RYK: variants seen among roughly 807,000 people sequenced by gnomAD.
RYK encodes receptor like tyrosine kinase.
RYK carries 21 observed loss-of-function variants against 70.2 expected under a neutral mutation model. The observed-to-expected ratio is 0.30, with a 90% CI of 0.21 to 0.43. The LOEUF (loss-of-function observed/expected upper bound fraction) is 0.43, where lower values mean the gene tolerates loss of function less well. Ranked by LOEUF, RYK falls within the 20% of genes least tolerant of loss-of-function variation. RYK has a pLI of 1.00. For missense variants in RYK, 604 were observed against 753.3 expected, an observed-to-expected ratio of 0.80 and a Z score of 2.32; for synonymous variants, 267 against 278.0, an observed-to-expected ratio of 0.96 and a Z score of 0.39.
At position 134,238,225 on chromosome 3, in the gene RYK, C is replaced by G. The variant is rs188271540; in HGVS notation, c.232+12198G>C. Among the ~76,000 whole-genome samples, 25 of 152,282 alleles carry G rather than the reference C, an allele frequency of 1.6e-4. No homozygotes were observed. In the East Asian group the frequency reaches 4.6e-3, roughly 28 times the overall value. On this transcript the variant is annotated intron_variant, in intron 1 of 14. Transcript: ENST00000623711. ...CCCATAGTTGAATAAGCATGTAAAT[C>G]TTCAATCCCATAGCTGTTCAAGCAA...
intron 13 of RYK, among the ~76,000 whole-genome samples, chr3:134,164,604 T>A (rs1445315624): frequency 6.6e-6 from 1 of 152,266 alleles, no homozygotes; most frequent in East Asian, 1.9e-4. Flanking sequence ...TCCTTTTTAT[T>A]TAGTAGTATA....
At chr3:134,228,181 CT>C (rs2014960008) in intron 1 of RYK, among the ~76,000 whole-genome samples, 1 of 152,046 alleles carries the variant, frequency 6.6e-6, no homozygotes, top group Non-Finnish European at 1.5e-5. Flanking sequence ...GTCCTCACTA[CT>C]TGGGTGGCTG....
intron 6 of RYK, 35 bp from the exon 7 acceptor site, chr3:134,195,217 T>A (rs771153229): frequency 1.3e-6 from 2 of 1,490,136 alleles, no homozygotes; most frequent in East Asian, 4.5e-5. Context: ...ATTTGACAAG[T>A]CAGTTTCAAT....
intron 1 of RYK, among the ~76,000 whole-genome samples, chr3:134,229,446 G>C (rs1288159357): frequency 6.7e-6 from 1 of 149,442 alleles, no homozygotes; most frequent in Non-Finnish European, 1.5e-5. Flanking sequence ...AGATTTCCTG[G>C]ACAGGTGACA....
chr3:134,173,132 TTAGC>T (rs1476998639), intron 13 of RYK, among the ~76,000 whole-genome samples: 1 of 152,148 alleles, frequency 6.6e-6, no homozygotes, highest in Non-Finnish European at 1.5e-5. Flanking sequence ...TTTAACAAAA[TTAGC>T]TAGGCATGGT....
intron 13 of RYK, among the ~76,000 whole-genome samples, chr3:134,174,826 C>T (rs2013040792): frequency 6.6e-6 from 1 of 151,766 alleles, no homozygotes; most frequent in Non-Finnish European, 1.5e-5. Flanking sequence ...AGAAACTTGA[C>T]AAAAGGAAGA....
intron 13 of RYK, among the ~76,000 whole-genome samples, chr3:134,167,616 C>A (rs563398015): frequency 9.9e-4 from 150 of 152,172 alleles, no homozygotes; most frequent in Non-Finnish European, 3.8e-4. Context: ...CTTATACAAA[C>A]ATTAATTCAA....
chr3:134,160,250 T>C (rs1475191381), intron 13 of RYK, among the ~76,000 whole-genome samples: 1 of 152,122 alleles, frequency 6.6e-6, no homozygotes. Context: ...GTGAGAATCA[T>C]TGGTAGCTCA....
intron 1 of RYK, among the ~76,000 whole-genome samples, chr3:134,240,310 AT>A (rs1193432588): frequency 1.3e-5 from 2 of 152,172 alleles, no homozygotes; most frequent in African/African-American, 2.4e-5. Context: ...ATGAAACAGA[AT>A]TGGCTATGAG....
At chr3:134,200,499 C>T (rs768822454) in intron 6 of RYK, among the ~76,000 whole-genome samples, 5 of 152,308 alleles carry the variant, frequency 3.3e-5, no homozygotes, top group Admixed American at 2.0e-4. Flanking sequence ...CGAGAGTCCG[C>T]GGCTTCATTC....
rs771204519 is a variant in RYK, at chr3:134,250,380, G to GCCGGCCCGA, written c.232+34_232+42dup. 89 of 1,284,180 alleles carry GCCGGCCCGA rather than the reference G, an allele frequency of 6.9e-5. No homozygotes were observed. In the East Asian group the frequency reaches 2.6e-3, roughly 37 times the overall value. The allele number at this position is 1,284,180 out of a possible 1,614,324, so 79.5% of individuals were successfully genotyped here. ...CCGCCGGCGGCCGGAAGCTGCCCCA[G>GCCGGCCCGA]CCGGCCCGACCTGCCCGCCCCGGCC... is the stretch of plus-strand genomic sequence containing the variant. On this transcript the variant is annotated intron_variant, in intron 1 of 14. Coordinates refer to ENST00000623711, the MANE Select transcript of RYK (RefSeq NM_002958.4).
Position 134,250,587 on chromosome 3 carries a change from G to A in RYK, c.68C>T (p.Ala23Val), listed in dbSNP as rs1461124995. ...SCLPGARGLR[A>V]PPPPPLLLLL... ...AAGCAGCAGCGGCGGCGGCGGCGGGGCCCTCAGGCCGCGGGCCCCCGGGAG... is the reference window on the plus strand; with the variant it reads ...AAGCAGCAGCGGCGGCGGCGGCGGGACCCTCAGGCCGCGGGCCCCCGGGAG... The change falls in exon 1 of 15, where the codon GCC (alanine) becomes GTC (valine). Residue 23 changes from alanine (A) to valine (V), a missense_variant. By Grantham distance (64) the Ala-to-Val change is moderately conservative. Coordinates refer to ENST00000623711, the MANE Select transcript of RYK (RefSeq NM_002958.4). 9.4e-7 allele frequency: 1 copy of A among 1,064,892 alleles called. No individual in the cohort carries two copies. Among genetic ancestry groups the A allele is most frequent in the Non-Finnish European group, 1.2e-6 (1 of 867,008 alleles). 66.0% of individuals were successfully genotyped at this position (1,064,892 alleles called of 1,614,324 possible). A position where few individuals can be genotyped will look rare whatever the true frequency, so the allele number is the denominator to read the frequency against.
At chr3:134,202,987 T>G in intron 5 of RYK, 113 bp from the exon 6 acceptor site, 1 of 812,506 alleles carries the variant, frequency 1.2e-6, no homozygotes, top group East Asian at 2.8e-5. Flanking sequence ...CTTTGTAAGA[T>G]CAGTTACCAG....
Position 134,203,339 on chromosome 3 carries a change from A to G in RYK, c.644-465T>C, listed in dbSNP as rs4546127. Reference sequence around the variant, plus strand: ...CTCCAGCGTGGGCGACAGACCATCTATGGACTATTCTTACCAAAAGAGTTG... The same window carrying G: ...CTCCAGCGTGGGCGACAGACCATCTGTGGACTATTCTTACCAAAAGAGTTG... On this transcript the variant is annotated intron_variant, in intron 5 of 14. Transcript: ENST00000623711. 4.9e-3 allele frequency among the ~76,000 whole-genome samples: 747 copies of G among 152,256 alleles called. 2 individuals carry two copies. Among genetic ancestry groups the G allele is most frequent in the African/African-American group, 0.017 (716 of 41,544 alleles).
intron 9 of RYK, among the ~76,000 whole-genome samples, chr3:134,184,051 T>C (rs1228213927): frequency 1.3e-5 from 2 of 152,206 alleles, no homozygotes; most frequent in Non-Finnish European, 2.9e-5. Flanking sequence ...ACATTACAGG[T>C]ATAAAATGAC....
intron 2 of RYK, among the ~76,000 whole-genome samples, chr3:134,219,878 A>C (rs1400314297): frequency 1.3e-5 from 2 of 152,234 alleles, no homozygotes; most frequent in Admixed American, 1.3e-4. Flanking sequence ...AGATGCAAAA[A>C]GTAGTGGTTG....
At chr3:134,240,193 T>C (rs1404516004) in intron 1 of RYK, among the ~76,000 whole-genome samples, 1 of 152,210 alleles carries the variant, frequency 6.6e-6, no homozygotes, top group African/African-American at 2.4e-5. Flanking sequence ...CAGATATACA[T>C]ATTGGAATAT....
Position 134,219,489 on chromosome 3 carries a change from A to T in RYK, c.354+2929T>A, listed in dbSNP as rs999972107. 2.6e-5 allele frequency among the ~76,000 whole-genome samples: 4 copies of T among 152,204 alleles called. No homozygotes were observed. In the East Asian group the frequency reaches 7.7e-4, roughly 29 times the overall value. The stretch of plus-strand genomic sequence containing the variant: ...TTCTTTTTTCCTAAGTGTGCCCAGA[A>T]ATATTCACACTCTGTTCAAAGTCAA... On this transcript the variant is annotated intron_variant, in intron 2 of 14. Coordinates refer to ENST00000623711, the MANE Select transcript of RYK (RefSeq NM_002958.4).
intron 1 of RYK, among the ~76,000 whole-genome samples, chr3:134,237,638 T>G (rs991341962): frequency 9.2e-5 from 14 of 152,176 alleles, no homozygotes; most frequent in Non-Finnish European, 1.8e-4. Flanking sequence ...CACCAGTAGG[T>G]AGCTGAATGA....
Sources: allele counts gnomAD v4.1 joint callset (sites outside exome capture counted in the v4.1 genomes callset), GRCh38; gene constraint gnomAD v4.1.1; transcripts MANE v1.5; gene names NCBI Gene and HGNC (gene_info 2026-07-23, HGNC 2026-07-21).